Variants in WWOX observed in about 807,000 individuals in gnomAD.
WWOX encodes WW domain-containing oxidoreductase.
Under a neutral mutation model 46.2 loss-of-function variants are expected in WWOX, and 69 were observed. That is an observed-to-expected ratio of 1.49 (90% CI 1.23 to 1.82). The LOEUF (loss-of-function observed/expected upper bound fraction) is 1.82, where lower values mean the gene tolerates loss of function less well. Among genes scored for constraint, WWOX ranks in the 40% most tolerant of loss-of-function variants. The probability of loss-of-function intolerance (pLI) is 0.00; values close to 1 mark genes in which losing one functional copy is unlikely to be tolerated. For synonymous variants in WWOX, 359 were observed against 202.6 expected, an observed-to-expected ratio of 1.77 and a Z score of -6.56; for missense variants, 919 against 542.6, an observed-to-expected ratio of 1.69 and a Z score of -6.89.
chr16:78,975,662 C>T (rs2046557238), intron 8 of WWOX, among the ~76,000 whole-genome samples: 1 of 152,144 alleles, frequency 6.6e-6, no homozygotes, highest in Non-Finnish European at 1.5e-5. Flanking sequence ...AATGTTAACA[C>T]CCCTGGATGT....
intron 8 of WWOX, among the ~76,000 whole-genome samples, chr16:78,487,524 T>C (rs527529961): frequency 1.4e-4 from 21 of 152,314 alleles, no homozygotes; most frequent in East Asian, 3.9e-4. Flanking sequence ...TCCCCTGTTA[T>C]GTATTTGGGA....
chr16:79,057,772 C>A (rs78405555), intron 8 of WWOX, among the ~76,000 whole-genome samples: 1 of 152,060 alleles, frequency 6.6e-6, no homozygotes, highest in South Asian at 2.1e-4. Context: ...TAGAAAGACC[C>A]GGACTCGAAT....
intron 8 of WWOX, among the ~76,000 whole-genome samples, chr16:78,709,222 C>T: frequency 6.6e-6 from 1 of 152,290 alleles, no homozygotes; most frequent in South Asian, 2.1e-4. Context: ...GCCCCCAGCC[C>T]TCCTGTTAAC....
intron 8 of WWOX, among the ~76,000 whole-genome samples, chr16:78,940,784 T>C (rs567187738): frequency 1.2e-4 from 18 of 152,168 alleles, no homozygotes; most frequent in East Asian, 1.2e-3. Context: ...TGTTATCTTA[T>C]TGTCCTCTTA....
intron 8 of WWOX, among the ~76,000 whole-genome samples, chr16:79,036,906 C>T (rs2047878084): frequency 1.3e-5 from 2 of 152,110 alleles, no homozygotes. Flanking sequence ...TTCAGATGGG[C>T]AATAAGTGGT....
intron 8 of WWOX, among the ~76,000 whole-genome samples, chr16:78,632,998 C>G (rs949990858): frequency 4.6e-5 from 7 of 152,106 alleles, no homozygotes; most frequent in Non-Finnish European, 8.8e-5. Flanking sequence ...CATGGTGGCT[C>G]ATGCCTGTAA....
At chr16:78,568,634 C>G (rs1047170887) in intron 8 of WWOX, among the ~76,000 whole-genome samples, 3 of 151,964 alleles carry the variant, frequency 2.0e-5, no homozygotes, top group Admixed American at 6.6e-5. Flanking sequence ...CGCCGCCACA[C>G]CCAGCTGATT....
chr16:78,840,448 A>G (rs1451593966), intron 8 of WWOX, among the ~76,000 whole-genome samples: 1 of 152,322 alleles, frequency 6.6e-6, no homozygotes, highest in African/African-American at 2.4e-5. Flanking sequence ...CACAGTTACA[A>G]TGAAGAGGAG....
chr16:78,229,404 G>C (rs2151805629), intron 5 of WWOX, among the ~76,000 whole-genome samples: 1 of 150,156 alleles, frequency 6.7e-6, no homozygotes. Flanking sequence ...TGTTTTTGTT[G>C]TCATCGTTTT....
intron 8 of WWOX, among the ~76,000 whole-genome samples, chr16:79,108,289 C>A (rs1321775579): frequency 6.6e-6 from 1 of 152,222 alleles, no homozygotes; most frequent in African/African-American, 2.4e-5. Context: ...TCCTGCAGTG[C>A]CTTCTTGACA....
intron 8 of WWOX, among the ~76,000 whole-genome samples, chr16:78,779,276 C>G (rs2050267536): frequency 6.6e-6 from 1 of 152,124 alleles, no homozygotes; most frequent in Admixed American, 6.5e-5. Flanking sequence ...TCCTGAGTAG[C>G]TGGGACTACA....
chr16:78,506,926 T>C (rs899251029), intron 8 of WWOX, among the ~76,000 whole-genome samples: 10 of 152,008 alleles, frequency 6.6e-5, no homozygotes, highest in Non-Finnish European at 1.0e-4. Context: ...GTTGGCCATA[T>C]TGGTCTTGAA....
At chr16:79,208,126 A>G (rs1240611904) in intron 8 of WWOX, among the ~76,000 whole-genome samples, 1 of 152,206 alleles carries the variant, frequency 6.6e-6, no homozygotes, top group Non-Finnish European at 1.5e-5. Flanking sequence ...ATCCCAAACA[A>G]GAGTCCTGGG....
At chr16:78,550,861 A>G (rs1360351718) in intron 8 of WWOX, 4 of 152,060 alleles carry the variant, frequency 2.6e-5, no homozygotes, top group African/African-American at 7.2e-5. Context: ...TTTTTTAAGG[A>G]TTAAGAAAAA....
chr16:78,366,446 T>G (rs2081538243), intron 5 of WWOX, among the ~76,000 whole-genome samples: 3 of 152,188 alleles, frequency 2.0e-5, no homozygotes, highest in African/African-American at 7.2e-5. Flanking sequence ...AGGAATGGCA[T>G]GACATTCTCC....
chr16:78,615,403 C>G (rs970945570), intron 8 of WWOX, among the ~76,000 whole-genome samples: 1 of 152,054 alleles, frequency 6.6e-6, no homozygotes, highest in Admixed American at 6.5e-5. Flanking sequence ...AATTTCAACA[C>G]GTAGGGAGGC....
chr16:78,443,865 A>G (rs951873840), intron 8 of WWOX, among the ~76,000 whole-genome samples: 5 of 151,754 alleles, frequency 3.3e-5, no homozygotes, highest in African/African-American at 9.7e-5. Flanking sequence ...CCAATTTCAT[A>G]CTTATTTCCA....
intron 8 of WWOX, among the ~76,000 whole-genome samples, chr16:78,614,163 C>G (rs1374823685): frequency 2.6e-5 from 4 of 152,198 alleles, no homozygotes; most frequent in Non-Finnish European, 5.9e-5. Flanking sequence ...CTCAGTGGGA[C>G]AAACAACTTC....
intron 8 of WWOX, among the ~76,000 whole-genome samples, chr16:79,062,488 A>G (rs1004184442): frequency 2.0e-5 from 3 of 152,248 alleles, no homozygotes; most frequent in Middle Eastern, 6.8e-3. Flanking sequence ...TCACAGTGCA[A>G]ACTATGCGAT....
Sources: gnomAD v4.1 joint callset for allele counts (sites outside exome capture counted in the v4.1 genomes callset) on GRCh38, gnomAD v4.1.1 for gene constraint, MANE v1.5 for transcripts, NCBI Gene and HGNC (gene_info 2026-07-23, HGNC 2026-07-21) for gene names.